E2F3: variants seen among roughly 807,000 people sequenced by gnomAD.
E2F3 encodes transcription factor E2F3.
E2F3 carries 11 observed loss-of-function variants against 44.4 expected under a neutral mutation model. That is an observed-to-expected ratio of 0.25 (90% CI 0.16 to 0.41). The LOEUF (loss-of-function observed/expected upper bound fraction) is 0.41. Among genes scored for constraint, E2F3 ranks in the 10% least tolerant of loss-of-function variants. The pLI is 1.00. For missense variants in E2F3, 487 were observed against 583.6 expected, an observed-to-expected ratio of 0.83 and a Z score of 1.70; for synonymous variants, 249 against 253.0, an observed-to-expected ratio of 0.98 and a Z score of 0.15.
chr6:20,423,540 G>T lies in E2F3; in HGVS notation c.393+20915G>T, dbSNP rs555447328. Among the ~76,000 whole-genome samples, 23 of 152,152 alleles carry T rather than the reference G, an allele frequency of 1.5e-4. No homozygotes were observed. The South Asian group carries it at 4.8e-3, about 32-fold the overall frequency. The stretch of plus-strand genomic sequence containing the variant: ...GGTTGGAGTGCAATGGCACGATCTC[G>T]GCTCACTGCAACCTCTGCCTCCTGG... On this transcript the variant is annotated intron_variant, in intron 1 of 6. Transcript: ENST00000346618.
chr6:20,488,676 G>C (rs1317155098), intron 6 of E2F3, among the ~76,000 whole-genome samples: 1 of 152,142 alleles, frequency 6.6e-6, no homozygotes, highest in Non-Finnish European at 1.5e-5. Context: ...ATGAGATGGG[G>C]AGAGGATATG....
intron 1 of E2F3, among the ~76,000 whole-genome samples, chr6:20,479,447 A>G (rs185605269): frequency 1.4e-3 from 210 of 152,372 alleles, no homozygotes; most frequent in South Asian, 8.3e-4. Flanking sequence ...GGTCCAACCC[A>G]GGTCGGAGAA....
At position 20,491,896 on chromosome 6, in the gene E2F3, C is replaced by T. The variant is rs1027628681; in HGVS notation, c.*1466C>T. 1.1e-5 allele frequency: 2 copies of T among 180,752 alleles called. No homozygotes were observed. The highest frequency in any genetic ancestry group is 2.4e-5 in the Non-Finnish European group (2 of 84,216). The allele number at this position is 180,752 out of a possible 1,614,324, so 11.2% of individuals were successfully genotyped here. The stretch of plus-strand genomic sequence containing the variant: ...TCCCAAGTTGGAGGCTTTGTGTCAG[C>T]TGCAAATCCTACCAGTTATGTCCAA... On this transcript the variant is annotated 3_prime_UTR_variant, in exon 7 of 7. Transcript: ENST00000346618.
intron 1 of E2F3, among the ~76,000 whole-genome samples, chr6:20,412,129 CG>C (rs1398609115): frequency 6.6e-6 from 1 of 152,052 alleles, no homozygotes; most frequent in African/African-American, 2.4e-5. Context: ...ACTAAACAGG[CG>C]GTAGGGAGAA....
intron 1 of E2F3, among the ~76,000 whole-genome samples, chr6:20,407,918 G>A (rs1450391163): frequency 3.9e-5 from 6 of 152,220 alleles, no homozygotes; most frequent in Non-Finnish European, 8.8e-5. Context: ...GAAGCCACCT[G>A]AAAGGTGGTA....
chr6:20,408,541 A>G (rs1759566015), intron 1 of E2F3, among the ~76,000 whole-genome samples: 1 of 152,184 alleles, frequency 6.6e-6, no homozygotes, highest in Non-Finnish European at 1.5e-5. Context: ...TAAAAAATAT[A>G]ATTTTTGCCC....
chr6:20,442,437 T>C (rs2127597004), intron 1 of E2F3, among the ~76,000 whole-genome samples: 1 of 152,356 alleles, frequency 6.6e-6, no homozygotes, highest in South Asian at 2.1e-4. Flanking sequence ...TTCTGTGCTT[T>C]TTATTCCTGA....
intron 1 of E2F3, among the ~76,000 whole-genome samples, chr6:20,453,687 G>T: frequency 6.6e-6 from 1 of 152,200 alleles, no homozygotes; most frequent in East Asian, 1.9e-4. Context: ...GAGATTATAG[G>T]CAGGAGCAGT....
chr6:20,428,285 G>GCGATCTTGGCTCA (rs1403825583), intron 1 of E2F3, among the ~76,000 whole-genome samples: 2 of 151,948 alleles, frequency 1.3e-5, no homozygotes, highest in African/African-American at 4.8e-5. Flanking sequence ...GTGCAATGGT[G>GCGATCTTGGCTCA]CGATCTTGGC....
At position 20,492,875 on chromosome 6, in the gene E2F3, C is replaced by A; in HGVS notation, c.*2445C>A. The A allele has an allele frequency of 4.6e-6, 1 of 219,592 alleles. No homozygotes were observed. The highest frequency in any genetic ancestry group is 9.2e-6 in the Non-Finnish European group (1 of 109,236). 13.6% of individuals were successfully genotyped at this position (219,592 alleles called of 1,614,324 possible). The stretch of plus-strand genomic sequence containing the variant: ...AAGTGGGTTAGTACTACAGTATTTG[C>A]GTTACTTTAAGTACTAAGTATGCAG... On this transcript the variant is annotated 3_prime_UTR_variant, in exon 7 of 7. Coordinates refer to ENST00000346618, the MANE Select transcript of E2F3 (RefSeq NM_001949.5).
At chr6:20,452,049 G>A (rs549433030) in intron 1 of E2F3, among the ~76,000 whole-genome samples, 1 of 152,308 alleles carries the variant, frequency 6.6e-6, no homozygotes, top group East Asian at 1.9e-4. Flanking sequence ...TCGGTATAAG[G>A]AGGATGCTAG....
intron 1 of E2F3, among the ~76,000 whole-genome samples, chr6:20,421,389 T>G (rs374756084): frequency 1.3e-5 from 2 of 152,340 alleles, no homozygotes; most frequent in South Asian, 4.1e-4. Flanking sequence ...CAAAATGTAC[T>G]TCTTAAATAA....
At chr6:20,465,142 C>T (rs754069924) in intron 1 of E2F3, among the ~76,000 whole-genome samples, 30 of 152,306 alleles carry the variant, frequency 2.0e-4, no homozygotes, top group Admixed American at 1.6e-3. Flanking sequence ...ACCTCCCAGA[C>T]GATTTTCCCA....
At chr6:20,457,486 C>CCGTT (rs1383486947) in intron 1 of E2F3, among the ~76,000 whole-genome samples, 5 of 151,856 alleles carry the variant, frequency 3.3e-5, no homozygotes, top group Non-Finnish European at 7.4e-5. Context: ...TGCACCTAGC[C>CCGTT]CGTTCTCTCT....
intron 1 of E2F3, among the ~76,000 whole-genome samples, chr6:20,416,703 C>T (rs1759857978): frequency 6.6e-6 from 1 of 152,088 alleles, no homozygotes; most frequent in Non-Finnish European, 1.5e-5. Flanking sequence ...GTGTGTGAAT[C>T]AGTGTTTGGG....
chr6:20,488,030 C>T (rs1212271289), intron 5 of E2F3, 83 bp from the exon 6 acceptor site: 9 of 1,574,400 alleles, frequency 5.7e-6, no homozygotes, highest in Non-Finnish European at 7.8e-6. Flanking sequence ...ATTGTTCTTA[C>T]TTTCCATTTT....
chr6:20,451,755 A>G (rs1169342441), intron 1 of E2F3, among the ~76,000 whole-genome samples: 1 of 152,134 alleles, frequency 6.6e-6, no homozygotes, highest in Admixed American at 6.5e-5. Flanking sequence ...GTTTACTGAG[A>G]ATTTTTAACA....
chr6:20,482,143 T>G (rs1762244294), intron 3 of E2F3, among the ~76,000 whole-genome samples: 1 of 152,194 alleles, frequency 6.6e-6, no homozygotes, highest in East Asian at 1.9e-4. Flanking sequence ...TACCTTTTTT[T>G]GCACATTTTG....
chr6:20,463,807 G>A (rs1300146929), intron 1 of E2F3, among the ~76,000 whole-genome samples: 3 of 152,176 alleles, frequency 2.0e-5, no homozygotes, highest in East Asian at 3.9e-4. Flanking sequence ...GATAGCGTCA[G>A]ATCCCACAGG....
Sources: allele counts gnomAD v4.1 joint callset (sites outside exome capture counted in the v4.1 genomes callset), GRCh38; gene constraint gnomAD v4.1.1; transcripts MANE v1.5; gene names NCBI Gene and HGNC (gene_info 2026-07-23, HGNC 2026-07-21).